The following CYP2W1 variants were observed in gnomAD, a reference collection of about 807,000 sequenced individuals.
The protein encoded by CYP2W1 is cytochrome P450 family 2 subfamily W member 1, also known as cytochrome P450 2W1.
CYP2W1 carries 51 observed loss-of-function variants against 44.9 expected under a neutral mutation model. The ratio of observed to expected loss-of-function variants is 1.14; its 90% CI spans 0.91 to 1.43. CYP2W1 has a LOEUF of 1.43. CYP2W1 is among the 40% of genes most tolerant of loss of function. The probability of loss-of-function intolerance (pLI) is 0.00; values close to 1 mark genes in which losing one functional copy is unlikely to be tolerated. For synonymous variants in CYP2W1, 383 were observed against 338.3 expected (o/e 1.13, Z -1.45); for missense variants, 746 against 700.0 (o/e 1.07, Z -0.74).
chr7:988,453 CT>C (rs1243546260), intron 8 of CYP2W1, 35 bp downstream of exon 8: 2 of 1,609,872 alleles, frequency 1.2e-6, no homozygotes. Flanking sequence ...GGGGCGGCAC[CT>C]CCAGGGCTCC....
In CYP2W1 at chr7:984,399, C is replaced by T. The variant is rs554143165; in HGVS notation, c.175-13C>T. 9.1e-6 allele frequency: 14 copies of T among 1,545,444 alleles called. No homozygotes were observed. In the East Asian group the frequency reaches 3.4e-4, roughly 38 times the overall value. On this transcript the variant is annotated splice_polypyrimidine_tract_variant and intron_variant, in intron 1 of 8. Coordinates refer to ENST00000308919, the MANE Select transcript of CYP2W1 (RefSeq NM_017781.3). ...GTGAGGGCTGCCCGGGTGACCCCCG[C>T]CATCCCTGCCAGCTCTCAGAACGCT...
intron 1 of CYP2W1, 76 bp from the exon 2 acceptor site, chr7:984,336 C>G: frequency 1.3e-6 from 2 of 1,493,980 alleles, no homozygotes; most frequent in South Asian, 1.3e-5. Context: ...CTACCCAGCA[C>G]AGGCCCGGCC....
In CYP2W1 at chr7:983,194, C is replaced by A; in HGVS notation, c.-18C>A. On this transcript the variant is annotated 5_prime_UTR_variant, in exon 1 of 9. Transcript: ENST00000308919. ...ACGGGGCCCAGGAGGGGAGTGGAGC[C>A]TCACCAGCCACGTCCTCATGGCCCT... 6.8e-7 allele frequency: 1 copy of A among 1,470,480 alleles called. No homozygotes were observed. The highest frequency in any genetic ancestry group is 2.3e-5 in the Admixed American group (1 of 44,182). 91.1% of individuals were successfully genotyped at this position (1,470,480 alleles called of 1,614,324 possible).
chr7:987,776 C>T (rs1848482145), intron 7 of CYP2W1, among the ~76,000 whole-genome samples: 1 of 152,116 alleles, frequency 6.6e-6, no homozygotes, highest in African/African-American at 2.4e-5. Flanking sequence ...CTCCGTGTGT[C>T]CTGTGGGCAT....
chr7:986,104 C>T (rs1848322037), intron 4 of CYP2W1, among the ~76,000 whole-genome samples: 2 of 152,188 alleles, frequency 1.3e-5, no homozygotes, highest in Non-Finnish European at 2.9e-5. Flanking sequence ...CCTGCTGGTG[C>T]CAGCTCCTTA....
chr7:986,153 C>T lies in CYP2W1; in HGVS notation c.646-471C>T, dbSNP rs1044531250. 9.8e-5 allele frequency among the ~76,000 whole-genome samples: 15 copies of T among 152,336 alleles called. No individual in the cohort carries two copies. In the East Asian group the frequency reaches 2.5e-3, roughly 26 times the overall value. On this transcript the variant is annotated intron_variant, in intron 4 of 8. Transcript: ENST00000308919. ...GCGTGGAACTCACTACTGGCGATCG[C>T]GGACGCCCCAGGAAGGCGAGTGGCA... is the stretch of plus-strand genomic sequence containing the variant.
rs753529686 is a variant in CYP2W1, at chr7:986,648, G to A, written c.670G>A (p.Gly224Arg). Residue 224 changes from glycine (G) to arginine (R), a missense_variant, in exon 5 of 9, where the codon GGG becomes AGG. Physicochemically the swap from Gly to Arg is moderately radical, Grantham distance 125 (BLOSUM62 -2). Coordinates refer to ENST00000308919, the MANE Select transcript of CYP2W1 (RefSeq NM_017781.3). ...LQLFNVYPWL[G>R]ALLQLHRPVL... ...GCTGTTCAACGTCTACCCATGGCTC[G>A]GGGCCCTGCTCCAGCTGCACCGGCC... is the stretch of plus-strand genomic sequence containing the variant. 1.4e-5 allele frequency: 23 copies of A among 1,612,586 alleles called. No individual in the cohort carries two copies. The highest frequency in any genetic ancestry group is 4.5e-5 in the East Asian group (2 of 44,876).
At chr7:983,430 C>T (rs921542687) in intron 1 of CYP2W1, 45 bp downstream of exon 1, 27 of 1,401,456 alleles carry the variant, frequency 1.9e-5, no homozygotes, top group Admixed American at 7.4e-5. Context: ...GGACAGCTGC[C>T]GTGTCCTGGC....
At chr7:983,978 C>T (rs1848123384) in intron 1 of CYP2W1, among the ~76,000 whole-genome samples, 1 of 152,128 alleles carries the variant, frequency 6.6e-6, no homozygotes, top group Non-Finnish European at 1.5e-5. Context: ...CCTCCGGCTG[C>T]CCCCAACTGC....
chr7:987,393 TC>T lies in CYP2W1; in HGVS notation c.1009del (p.Arg337GlyfsTer49). 6.3e-7 allele frequency: 1 copy of T among 1,595,180 alleles called. No individual in the cohort carries two copies. On this transcript the variant is annotated frameshift_variant, in exon 7 of 9. Transcript: ENST00000308919. LOFTEE classifies it high-confidence loss of function. ...LDRVLGPGRTPRLEDQQALPY... is the reference protein window; with the variant it reads ...LDRVLGPGRTXRLEDQQALPY... ...ACCGCGTGCTGGGCCCTGGGCGGAC[TC>T]CCCGGCTGGAGGACCAGCAGGCTCT...
chr7:988,532 C>T lies in CYP2W1; in HGVS notation c.1286-103C>T, dbSNP rs761428022. 25 of 1,596,330 alleles carry T rather than the reference C, an allele frequency of 1.6e-5. No homozygotes were observed. In the South Asian group the frequency reaches 1.8e-4, roughly 11 times the overall value. ...ACCTCCTGATCTCAGGTTCTGAAGG[C>T]GGCTGTGGTGGCTGCTCCTGTGCTC... On this transcript the variant is annotated intron_variant, in intron 8 of 8. Coordinates refer to ENST00000308919, the MANE Select transcript of CYP2W1 (RefSeq NM_017781.3).
intron 7 of CYP2W1, among the ~76,000 whole-genome samples, chr7:987,817 G>A (rs1389130721): frequency 4.6e-5 from 7 of 150,856 alleles, no homozygotes; most frequent in East Asian, 3.9e-4. Flanking sequence ...CGATCCCCTC[G>A]GTGTGTCCTG....
rs549964637 is a variant in CYP2W1 at position 987,478 on chromosome 7, G to A, written c.1090G>A (p.Val364Met). Residue 364 changes from valine (V) to methionine (M), a missense_variant, in exon 7 of 9, where the codon GTG becomes ATG. By Grantham distance (21) the Val-to-Met change is conservative. Coordinates refer to ENST00000308919, the MANE Select transcript of CYP2W1 (RefSeq NM_017781.3). ...VQRFITLLPH[V>M]PRCTAADTQL... is the part of the protein sequence containing the mutation. ...GCGGTTCATCACGCTCCTGCCGCAC[G>A]TGCCCCGCTGCACCGCGGCCGACAC... is the stretch of plus-strand genomic sequence containing the variant. 7.1e-6 allele frequency: 11 copies of A among 1,557,960 alleles called. No homozygotes were observed. Among genetic ancestry groups the A allele is most frequent in the African/African-American group, 4.1e-5 (3 of 73,960 alleles).
At chr7:983,988 C>A (rs980494903) in intron 1 of CYP2W1, among the ~76,000 whole-genome samples, 5 of 152,284 alleles carry the variant, frequency 3.3e-5, no homozygotes, top group African/African-American at 1.2e-4. Context: ...CCCCCAACTG[C>A]GGGCTGGGGT....
intron 2 of CYP2W1, 87 bp from the exon 3 acceptor site, chr7:984,863 G>T (rs1848204141): frequency 6.7e-7 from 1 of 1,490,522 alleles, no homozygotes; most frequent in Non-Finnish European, 8.9e-7. Flanking sequence ...TCGCTGCCCT[G>T]TCAGCCTGCT....
rs115178866 is a variant in CYP2W1 at position 984,306 on chromosome 7, T to G, written c.175-106T>G. 8.5e-4 allele frequency: 1,189 copies of G among 1,404,854 alleles called. 4 individuals carry two copies. The African/African-American group carries it at 0.014, about 16-fold the overall frequency. The allele number at this position is 1,404,854 out of a possible 1,614,324, so 87.0% of individuals were successfully genotyped here. On this transcript the variant is annotated intron_variant, in intron 1 of 8. Coordinates refer to ENST00000308919, the MANE Select transcript of CYP2W1 (RefSeq NM_017781.3). ...GGCGTGCCCCCTCCACCTGCCCCCA[T>G]TTTCCCTCTGTCCCCACCCCTACCC...
chr7:985,129 C>T (rs200451483), intron 3 of CYP2W1, 30 bp downstream of exon 3: 60 of 1,604,112 alleles, frequency 3.7e-5, no homozygotes, highest in Middle Eastern at 1.7e-4. Flanking sequence ...CGCCCCTCCC[C>T]GGGCCTGGAC....
rs1471877227 is a variant in CYP2W1 at position 988,708 on chromosome 7, G to A, written c.1359G>A (p.Arg453=). 2 of 1,599,628 alleles carry A rather than the reference G, an allele frequency of 1.3e-6. No homozygotes were observed. Among genetic ancestry groups the A allele is most frequent in the African/African-American group, 2.7e-5 (2 of 74,850 alleles). ...LFLLFAGLLQ[R]YRLLPPPGVS... is the part of the protein sequence containing the mutation. The stretch of plus-strand genomic sequence containing the variant: ...TGCTGTTTGCCGGCCTCCTGCAGAG[G>A]TACCGCCTGCTGCCCCCGCCTGGCG... Residue 453 remains arginine, a synonymous_variant, in exon 9 of 9, where the codon AGG becomes AGA. Transcript: ENST00000308919.
At chr7:984,841 G>A in intron 2 of CYP2W1, 109 bp from the exon 3 acceptor site, 1 of 1,415,066 alleles carries the variant, frequency 7.1e-7, no homozygotes, top group South Asian at 1.4e-5. Context: ...GGGGGTGAGG[G>A]CCCAGCCAGT....
Sources: allele counts gnomAD v4.1 joint callset (sites outside exome capture counted in the v4.1 genomes callset), GRCh38; gene constraint gnomAD v4.1.1; transcripts MANE v1.5; gene names NCBI Gene and HGNC (gene_info 2026-07-23, HGNC 2026-07-21).